SIPA1L1: variants seen among roughly 807,000 people sequenced by gnomAD.
SIPA1L1 encodes the protein signal induced proliferation associated 1 like 1.
A neutral mutation model predicts 162.7 loss-of-function variants in SIPA1L1; 26 were observed. The ratio of observed to expected loss-of-function variants is 0.16; its 90% CI spans 0.12 to 0.22. The LOEUF is 0.22. Among genes scored for constraint, SIPA1L1 ranks in the 10% least tolerant of loss-of-function variants. SIPA1L1 has a pLI of 1.00. For synonymous variants in SIPA1L1, 829 were observed against 837.4 expected (o/e 0.99, Z 0.17); for missense variants, 1,874 against 2,241.0 (o/e 0.84, Z 3.31).
chr14:71,479,363 A>G (rs531767715), intron 2 of SIPA1L1, among the ~76,000 whole-genome samples: 1 of 151,492 alleles, frequency 6.6e-6, no homozygotes, highest in Non-Finnish European at 1.5e-5. Context: ...GTATGTATGT[A>G]TGTATGTATG....
At chr14:71,674,487 A>G (rs1294545256) in intron 12 of SIPA1L1, among the ~76,000 whole-genome samples, 6 of 151,422 alleles carry the variant, frequency 4.0e-5, no homozygotes, top group African/African-American at 1.5e-4. Flanking sequence ...GCACTTTTTT[A>G]TGGGTTAGTG....
At chr14:71,733,331 C>T (rs2084976548) in intron 20 of SIPA1L1, among the ~76,000 whole-genome samples, 1 of 152,238 alleles carries the variant, frequency 6.6e-6, no homozygotes, top group African/African-American at 2.4e-5. Context: ...TCCCTTGACT[C>T]TGTGCAGGAA....
intron 2 of SIPA1L1, among the ~76,000 whole-genome samples, chr14:71,436,760 A>ATTT (rs1231560483): frequency 3.2e-4 from 42 of 130,994 alleles, no homozygotes; most frequent in East Asian, 2.0e-3. Flanking sequence ...TACCTTCTGA[A>ATTT]TTTTTTTTTT....
In SIPA1L1 at chr14:71,736,153, C is replaced by A. The variant is rs377546076; in HGVS notation, c.5123+762C>A. Among the ~76,000 whole-genome samples, 226 of 152,270 alleles carry A rather than the reference C, an allele frequency of 1.5e-3. 1 individual carries two copies. Among genetic ancestry groups the A allele is most frequent in the African/African-American group, 5.1e-3 (213 of 41,546 alleles). ...GCTCATGCCTGTAATTTCAGCACTT[C>A]GGGAGGCCAAGGCGGGCAGATTGCC... On this transcript the variant is annotated intron_variant, in intron 22 of 23. Coordinates refer to ENST00000381232, the MANE Select transcript of SIPA1L1 (RefSeq NM_001386936.1).
At chr14:71,525,023 G>C (rs1251916886) in intron 3 of SIPA1L1, among the ~76,000 whole-genome samples, 1 of 152,036 alleles carries the variant, frequency 6.6e-6, no homozygotes, top group African/African-American at 2.4e-5. Flanking sequence ...ACCCAGGCTG[G>C]AGTGAAGTGG....
intron 2 of SIPA1L1, among the ~76,000 whole-genome samples, chr14:71,429,473 C>T (rs971656427): frequency 5.9e-5 from 9 of 151,894 alleles, no homozygotes; most frequent in African/African-American, 2.2e-4. Flanking sequence ...CCCAGTTCAT[C>T]CTTTTTAACT....
At chr14:71,437,107 ATTGCG>A (rs2044446714) in intron 2 of SIPA1L1, among the ~76,000 whole-genome samples, 1 of 152,060 alleles carries the variant, frequency 6.6e-6, no homozygotes, top group Non-Finnish European at 1.5e-5. Flanking sequence ...TCTTATTGGG[ATTGCG>A]TTAAATTTAC....
intron 2 of SIPA1L1, among the ~76,000 whole-genome samples, chr14:71,409,976 GA>G (rs1295412241): frequency 3.3e-5 from 5 of 152,154 alleles, no homozygotes; most frequent in African/African-American, 1.2e-4. Context: ...GCCTTCCTGT[GA>G]TTATACATCT....
intron 23 of SIPA1L1, 34 bp from the exon 24 acceptor site, chr14:71,738,984 C>T (rs779632236): frequency 6.2e-7 from 1 of 1,605,052 alleles, no homozygotes; most frequent in East Asian, 2.2e-5. Flanking sequence ...GGGGCCAACA[C>T]CTCTTAGCTT....
chr14:71,667,198 A>T (rs1466782777), intron 10 of SIPA1L1, among the ~76,000 whole-genome samples: 2 of 152,056 alleles, frequency 1.3e-5, no homozygotes, highest in African/African-American at 4.8e-5. Flanking sequence ...CACTCCCCAG[A>T]ACAGCATGCT....
chr14:71,528,115 G>T (rs899229362), intron 3 of SIPA1L1, among the ~76,000 whole-genome samples: 3 of 152,162 alleles, frequency 2.0e-5, no homozygotes, highest in Admixed American at 1.3e-4. Flanking sequence ...AGTTCTGTGG[G>T]TGTGTTTGTT....
rs541984101 is a variant in SIPA1L1, at chr14:71,587,743, A to T, written c.-130A>T. 2 of 867,062 alleles carry T rather than the reference A, an allele frequency of 2.3e-6. No homozygotes were observed. The highest frequency in any genetic ancestry group is 3.3e-5 in the African/African-American group (2 of 59,706). The allele number at this position is 867,062 out of a possible 1,614,324, so 53.7% of individuals were successfully genotyped here. A position where few individuals can be genotyped will look rare whatever the true frequency, so the allele number is the denominator to read the frequency against. Reference sequence around the variant, plus strand: ...AATAAAGCATCATTTAACCTTTTAAATGAAAAAGATTAAGATCTCATGCAA... The same window carrying T: ...AATAAAGCATCATTTAACCTTTTAATTGAAAAAGATTAAGATCTCATGCAA... On this transcript the variant is annotated 5_prime_UTR_variant, in exon 5 of 24. An upstream start codon of the reference 5' UTR is lost. Transcript: ENST00000381232.
intron 2 of SIPA1L1, among the ~76,000 whole-genome samples, chr14:71,499,694 C>T (rs2050053585): frequency 1.3e-5 from 2 of 152,038 alleles, no homozygotes; most frequent in South Asian, 4.2e-4. Flanking sequence ...AATCATTGCC[C>T]TAATTTTAGT....
At chr14:71,378,228 T>C (rs893065307) in intron 2 of SIPA1L1, among the ~76,000 whole-genome samples, 20 of 152,292 alleles carry the variant, frequency 1.3e-4, no homozygotes, top group Non-Finnish European at 2.4e-4. Flanking sequence ...CAGTGACTTC[T>C]GTTTTCTGTT....
intron 2 of SIPA1L1, among the ~76,000 whole-genome samples, chr14:71,347,379 T>C (rs2036277347): frequency 6.6e-6 from 1 of 152,234 alleles, no homozygotes; most frequent in Non-Finnish European, 1.5e-5. Context: ...AATAACATTT[T>C]GTTTTTTTCT....
At chr14:71,391,687 G>C (rs1210409053) in intron 2 of SIPA1L1, among the ~76,000 whole-genome samples, 2 of 152,126 alleles carry the variant, frequency 1.3e-5, no homozygotes, top group African/African-American at 4.8e-5. Flanking sequence ...GAGAACATGG[G>C]GGTTCTTTTT....
At chr14:71,699,920 A>ATCTAAC (rs2081955811) in intron 14 of SIPA1L1, among the ~76,000 whole-genome samples, 1 of 152,222 alleles carries the variant, frequency 6.6e-6, no homozygotes, top group African/African-American at 2.4e-5. Context: ...ACTCCTTCAA[A>ATCTAAC]TCTAACTGTG....
Position 71,589,033 on chromosome 14 carries a change from C to G in SIPA1L1, c.1161C>G (p.Gly387=), listed in dbSNP as rs2034935592. 1 of 1,614,094 alleles carries G rather than the reference C, an allele frequency of 6.2e-7. No individual in the cohort carries two copies. ...SHSASFSSPM[G]STEDLNSKGS... Reference sequence around the variant, plus strand: ...CAGCCAGTTTTAGCTCCCCAATGGGCAGCACAGAGGACCTGAATTCCAAAG... The same window carrying G: ...CAGCCAGTTTTAGCTCCCCAATGGGGAGCACAGAGGACCTGAATTCCAAAG... The change falls in exon 5 of 24, where the codon GGC becomes GGG. Residue 387 remains glycine, a synonymous_variant. Coordinates refer to ENST00000381232, the MANE Select transcript of SIPA1L1 (RefSeq NM_001386936.1).
chr14:71,581,982 GAT>G (rs551978426), intron 4 of SIPA1L1, among the ~76,000 whole-genome samples: 209 of 152,222 alleles, frequency 1.4e-3, no homozygotes, highest in Non-Finnish European at 2.5e-3. Flanking sequence ...AAATGTAAGA[GAT>G]AAACATTGAC....
Sources: allele counts gnomAD v4.1 joint callset (sites outside exome capture counted in the v4.1 genomes callset), GRCh38; gene constraint gnomAD v4.1.1; transcripts MANE v1.5; gene names NCBI Gene and HGNC (gene_info 2026-07-23, HGNC 2026-07-21).